Variants in IBTK observed in about 807,000 individuals in gnomAD.
IBTK encodes inhibitor of Bruton tyrosine kinase.
A neutral mutation model predicts 154.9 loss-of-function variants in IBTK; 83 were observed. That is an observed-to-expected ratio of 0.54 (90% confidence interval 0.45 to 0.64). IBTK has a LOEUF of 0.64. Ranked by LOEUF, IBTK falls within the 30% of genes least tolerant of loss-of-function variation. IBTK has a pLI of 0.00. For synonymous variants in IBTK, 515 were observed against 536.1 expected, an observed-to-expected ratio of 0.96 and a Z score of 0.54; for missense variants, 1,332 against 1,584.6, an observed-to-expected ratio of 0.84 and a Z score of 2.71.
At position 82,171,386 on chromosome 6, in the gene IBTK, C is replaced by A. The variant is rs757859436; in HGVS notation, c.*39G>T. 4 of 1,570,400 alleles carry A rather than the reference C, an allele frequency of 2.5e-6. No individual in the cohort carries two copies. Among genetic ancestry groups the A allele is most frequent in the Admixed American group, 1.8e-5 (1 of 54,506 alleles). On this transcript the variant is annotated 3_prime_UTR_variant, in exon 29 of 29. Coordinates refer to ENST00000306270, the MANE Select transcript of IBTK (RefSeq NM_015525.4). ...CACAGCTTTTCTTTATATGAACAAACTCATAATTATGTAAAATGCATCTCA... is the reference window on the plus strand; with the variant it reads ...CACAGCTTTTCTTTATATGAACAAAATCATAATTATGTAAAATGCATCTCA...
chr6:82,188,386 T>C (rs1044078391), intron 25 of IBTK, among the ~76,000 whole-genome samples: 3 of 152,202 alleles, frequency 2.0e-5, no homozygotes, highest in Non-Finnish European at 2.9e-5. Flanking sequence ...TTAGTCATGA[T>C]TTATTCTTTT....
At chr6:82,247,351 G>C (rs117693526) in intron 1 of IBTK, among the ~76,000 whole-genome samples, 6,128 of 152,326 alleles carry the variant, frequency 0.04, 207 homozygotes, top group Non-Finnish European at 0.061. Flanking sequence ...ATTAGCTGAG[G>C]GGGGCGGTAG....
intron 16 of IBTK, among the ~76,000 whole-genome samples, chr6:82,208,122 CAAA>C (rs531941941): frequency 3.8e-5 from 4 of 106,166 alleles, no homozygotes; most frequent in Non-Finnish European, 4.1e-5. Flanking sequence ...ACTCTCACCA[CAAA>C]AAAAAAAAAA....
chr6:82,182,567 G>T (rs748375076), intron 25 of IBTK, among the ~76,000 whole-genome samples: 52 of 152,008 alleles, frequency 3.4e-4, no homozygotes, highest in Non-Finnish European at 5.6e-4. Flanking sequence ...AAATAAAGAA[G>T]AGAGATACGG....
intron 10 of IBTK, among the ~76,000 whole-genome samples, chr6:82,216,584 T>A (rs1769883736): frequency 6.6e-6 from 1 of 152,212 alleles, no homozygotes; most frequent in Non-Finnish European, 1.5e-5. Context: ...TTATACTTCC[T>A]GTTGCCCAAA....
chr6:82,212,695 T>C lies in IBTK; in HGVS notation c.2291+12A>G. On this transcript the variant is annotated intron_variant, in intron 13 of 28. Coordinates refer to ENST00000306270, the MANE Select transcript of IBTK (RefSeq NM_015525.4). ...CCAGACATGAAATGTTAATCTTCCTTTCCTTACTTACCATTTTTTCTGACT... is the reference window on the plus strand; with the variant it reads ...CCAGACATGAAATGTTAATCTTCCTCTCCTTACTTACCATTTTTTCTGACT... 6.6e-7 allele frequency: 1 copy of C among 1,518,676 alleles called. No individual in the cohort carries two copies. The highest frequency in any genetic ancestry group is 9.1e-7 in the Non-Finnish European group (1 of 1,093,536). The allele number at this position is 1,518,676 out of a possible 1,614,324, so 94.1% of individuals were successfully genotyped here.
chr6:82,183,013 T>C (rs1349810598), intron 25 of IBTK, among the ~76,000 whole-genome samples: 2 of 152,036 alleles, frequency 1.3e-5, no homozygotes, highest in African/African-American at 2.4e-5. Flanking sequence ...AAAGGAATTA[T>C]GATAATAAAT....
At chr6:82,189,454 T>C (rs1768680205) in intron 25 of IBTK, among the ~76,000 whole-genome samples, 1 of 152,152 alleles carries the variant, frequency 6.6e-6, no homozygotes, top group Non-Finnish European at 1.5e-5. Context: ...TTCATGAATA[T>C]ACGAGCTCCA....
chr6:82,247,506 C>A, intron 1 of IBTK, 56 bp downstream of exon 1: 1 of 398,744 alleles, frequency 2.5e-6, no homozygotes, highest in Non-Finnish European at 4.4e-6. Flanking sequence ...TCCCCCTGCC[C>A]CCGGGCTGAA....
intron 8 of IBTK, 125 bp from the exon 9 acceptor site, chr6:82,220,838 T>C: frequency 1.3e-6 from 1 of 784,040 alleles, no homozygotes; most frequent in Non-Finnish European, 1.9e-6. Context: ...AGTAAAATGA[T>C]TTGGTCTTTG....
Position 82,240,452 on chromosome 6 carries a change from C to T in IBTK, c.35G>A (p.Cys12Tyr). The T allele has an allele frequency of 6.2e-7, 1 of 1,613,888 alleles. No individual in the cohort carries two copies. Among genetic ancestry groups the T allele is most frequent in the Non-Finnish European group, 8.5e-7 (1 of 1,180,016 alleles). ...SSPMPDCTSKCRSLKHALDVL... is the reference protein window; with the variant it reads ...SSPMPDCTSKYRSLKHALDVL... ...ATCCAAAGCATGCTTCAGGGATCGA[C>T]ACTTTGATGTGCAGTCAGGCATGGG... The change falls in exon 2 of 29, where the codon TGT (cysteine) becomes TAT (tyrosine). Residue 12 changes from cysteine to tyrosine, a missense_variant. Physicochemically the swap from Cys to Tyr is radical, Grantham distance 194 (BLOSUM62 -2). Around this residue, in one of 3 missense-constraint regions of IBTK, gnomAD observed 84 missense variants for 96.2 expected, o/e 0.87. Transcript: ENST00000306270.
intron 5 of IBTK, 52 bp from the exon 6 acceptor site, chr6:82,225,699 T>C (rs973790825): frequency 3.0e-6 from 4 of 1,337,926 alleles, no homozygotes; most frequent in Non-Finnish European, 3.1e-6. Flanking sequence ...TATACAGATA[T>C]GCAAATAGAA....
intron 25 of IBTK, 91 bp downstream of exon 25, chr6:82,190,982 C>T: frequency 1.1e-6 from 1 of 895,822 alleles, no homozygotes; most frequent in Non-Finnish European, 1.6e-6. Context: ...ACTTTAGAAA[C>T]ACTGGAAGTG....
intron 2 of IBTK, among the ~76,000 whole-genome samples, chr6:82,237,061 T>A (rs775871088): frequency 7.2e-5 from 11 of 152,098 alleles, no homozygotes; most frequent in Admixed American, 2.0e-4. Flanking sequence ...TGACTGAGGA[T>A]TTCGATGGGG....
intron 12 of IBTK, 34 bp downstream of exon 12, chr6:82,214,193 A>C: frequency 6.5e-7 from 1 of 1,548,726 alleles, no homozygotes; most frequent in Non-Finnish European, 8.7e-7. Context: ...GGACTGAATG[A>C]GGTACAGGAA....
At chr6:82,185,778 T>A (rs1768530819) in intron 25 of IBTK, among the ~76,000 whole-genome samples, 1 of 152,092 alleles carries the variant, frequency 6.6e-6, no homozygotes, top group South Asian at 2.1e-4. Flanking sequence ...CAGGTTAAAA[T>A]ACTTTGCAGC....
chr6:82,232,284 T>C (rs1030285095), intron 3 of IBTK, among the ~76,000 whole-genome samples: 3 of 152,174 alleles, frequency 2.0e-5, no homozygotes, highest in African/African-American at 7.2e-5. Context: ...GAAAATAATA[T>C]ATAGAACTGT....
rs368348106 is a variant in IBTK at position 82,208,214 on chromosome 6, T to C, written c.2509+2600A>G. Reference sequence around the variant, plus strand: ...CTCTCTCTATATATATAAATATAGATATTATACATATATATATCTCAAAGC... The same window carrying C: ...CTCTCTCTATATATATAAATATAGACATTATACATATATATATCTCAAAGC... On this transcript the variant is annotated intron_variant, in intron 16 of 28. Coordinates refer to ENST00000306270, the MANE Select transcript of IBTK (RefSeq NM_015525.4). Among the ~76,000 whole-genome samples, 60 of 151,372 alleles carry C rather than the reference T, an allele frequency of 4.0e-4. 2 individuals are homozygous for C. The East Asian group carries it at 9.1e-3, about 23-fold the overall frequency.
At chr6:82,223,104 GA>G (rs1770158879) in intron 8 of IBTK, among the ~76,000 whole-genome samples, 1 of 151,562 alleles carries the variant, frequency 6.6e-6, no homozygotes, top group Non-Finnish European at 1.5e-5. Context: ...GGCTATACAG[GA>G]ACCAATGATG....
Sources: allele counts gnomAD v4.1 joint callset (sites outside exome capture counted in the v4.1 genomes callset), GRCh38; gene constraint gnomAD v4.1.1; regional missense constraint gnomAD v4.1.1; transcripts MANE v1.5; gene names NCBI Gene and HGNC (gene_info 2026-07-23, HGNC 2026-07-21).